DLC1: variants seen among roughly 807,000 people sequenced by gnomAD.
The protein encoded by DLC1 is DLC1 Rho GTPase activating protein.
In DLC1, 54 loss-of-function variants were observed where a neutral mutation model predicts 140.3. That is an observed-to-expected ratio of 0.38 (90% CI 0.31 to 0.48). The LOEUF is 0.48. Among genes scored for constraint, DLC1 ranks in the 20% least tolerant of loss-of-function variants. The probability of loss-of-function intolerance (pLI) is 0.96; values close to 1 mark genes in which losing one functional copy is unlikely to be tolerated. For missense variants in DLC1, 2,536 were observed against 1,907.0 expected (o/e 1.33, Z -6.14); for synonymous variants, 986 against 728.1 (o/e 1.35, Z -5.70).
At chr8:13,373,948 T>A (rs1453641216) in intron 4 of DLC1, among the ~76,000 whole-genome samples, 1 of 152,210 alleles carries the variant, frequency 6.6e-6, no homozygotes, top group Non-Finnish European at 1.5e-5. Flanking sequence ...TATGGAAAAT[T>A]TGGCATAATT....
At chr8:13,317,203 A>G (rs933234913) in intron 4 of DLC1, among the ~76,000 whole-genome samples, 1 of 152,194 alleles carries the variant, frequency 6.6e-6, no homozygotes, top group African/African-American at 2.4e-5. Flanking sequence ...AAGTATAAGG[A>G]AGGTTAAGTA....
intron 5 of DLC1, among the ~76,000 whole-genome samples, chr8:13,234,646 T>A (rs570327867): frequency 2.7e-4 from 41 of 152,238 alleles, no homozygotes; most frequent in African/African-American, 8.7e-4. Context: ...GTTCTTTTTT[T>A]AAACATCTTG....
intron 1 of DLC1, among the ~76,000 whole-genome samples, chr8:13,587,103 C>G (rs1805348210): frequency 6.7e-6 from 1 of 149,180 alleles, no homozygotes. Context: ...CACACACACA[C>G]ACATTCATGC....
chr8:13,158,178 C>T (rs1199429439), intron 5 of DLC1, among the ~76,000 whole-genome samples: 1 of 152,154 alleles, frequency 6.6e-6, no homozygotes, highest in Non-Finnish European at 1.5e-5. Context: ...CATAGTGTAT[C>T]TCTGGGGTCC....
intron 1 of DLC1, among the ~76,000 whole-genome samples, chr8:13,599,929 T>G (rs1805816076): frequency 6.6e-6 from 1 of 151,996 alleles, no homozygotes; most frequent in African/African-American, 2.4e-5. Flanking sequence ...GTATGAGGTA[T>G]GGACCTATTG....
At chr8:13,308,169 G>T (rs573379957) in intron 4 of DLC1, among the ~76,000 whole-genome samples, 1 of 152,250 alleles carries the variant, frequency 6.6e-6, no homozygotes, top group East Asian at 1.9e-4. Context: ...ATGATAATCA[G>T]TGAGTTGGGG....
chr8:13,368,123 TG>T (rs1835575158), intron 4 of DLC1, among the ~76,000 whole-genome samples: 1 of 152,090 alleles, frequency 6.6e-6, no homozygotes. Flanking sequence ...ATATGTAAAG[TG>T]GAAAAGAAAG....
chr8:13,143,850 G>GAGAGAGAGAGAGACAT (rs1395072506), intron 5 of DLC1, among the ~76,000 whole-genome samples: 14 of 147,852 alleles, frequency 9.5e-5, no homozygotes, highest in Admixed American at 2.7e-4. Context: ...GAGAGAGAGA[G>GAGAGAGAGAGAGACAT]AGACATAGAC....
chr8:13,451,617 T>C (rs776249794), intron 2 of DLC1, among the ~76,000 whole-genome samples: 1 of 152,200 alleles, frequency 6.6e-6, no homozygotes, highest in African/African-American at 2.4e-5. Context: ...GAACATGTAA[T>C]GCTTGTCTTT....
intron 5 of DLC1, among the ~76,000 whole-genome samples, chr8:13,261,203 T>G (rs780347075): frequency 1.3e-5 from 2 of 151,920 alleles, no homozygotes; most frequent in Non-Finnish European, 2.9e-5. Flanking sequence ...TTTAATAGAG[T>G]GGTCCTGACT....
chr8:13,139,608 G>T (rs1334083935), intron 5 of DLC1, among the ~76,000 whole-genome samples: 2 of 152,192 alleles, frequency 1.3e-5, no homozygotes, highest in African/African-American at 4.8e-5. Context: ...CAACCAGCAT[G>T]CTTTCCTGAG....
intron 5 of DLC1, among the ~76,000 whole-genome samples, chr8:13,157,659 G>GT (rs1824351748): frequency 6.6e-6 from 1 of 152,176 alleles, no homozygotes; most frequent in Non-Finnish European, 1.5e-5. Context: ...AAAAAGGGAT[G>GT]TCTTCAAAAA....
chr8:13,285,340 C>T (rs776400316), intron 5 of DLC1, among the ~76,000 whole-genome samples: 1 of 151,878 alleles, frequency 6.6e-6, no homozygotes, highest in African/African-American at 2.4e-5. Flanking sequence ...AGTTGGATAA[C>T]CATATGGAAA....
chr8:13,555,926 G>T (rs1042721599), intron 1 of DLC1, among the ~76,000 whole-genome samples: 8 of 152,026 alleles, frequency 5.3e-5, no homozygotes, highest in African/African-American at 1.9e-4. Flanking sequence ...ATGTTTAAAG[G>T]TTTTGTAATA....
At chr8:13,225,840 C>A (rs1387790032) in intron 5 of DLC1, among the ~76,000 whole-genome samples, 1 of 152,062 alleles carries the variant, frequency 6.6e-6, no homozygotes, top group East Asian at 1.9e-4. Context: ...TGGTTTGGAT[C>A]TCCTGACCTC....
intron 1 of DLC1, among the ~76,000 whole-genome samples, chr8:13,559,574 T>A (rs1335280777): frequency 1.3e-5 from 2 of 152,200 alleles, no homozygotes; most frequent in African/African-American, 4.8e-5. Flanking sequence ...GTAATTATAA[T>A]AATATTCATT....
chr8:13,254,355 A>G (rs1830128549), intron 5 of DLC1, among the ~76,000 whole-genome samples: 1 of 152,132 alleles, frequency 6.6e-6, no homozygotes. Context: ...TCCCAGTTGT[A>G]GCCTGCAAGG....
chr8:13,485,725 T>A (rs1563388606), intron 2 of DLC1, among the ~76,000 whole-genome samples: 1 of 152,246 alleles, frequency 6.6e-6, no homozygotes, highest in Non-Finnish European at 1.5e-5. Context: ...TAACAGAAGA[T>A]ACATTCTCTC....
intron 1 of DLC1, among the ~76,000 whole-genome samples, chr8:13,533,327 A>T (rs1197367523): frequency 6.6e-6 from 1 of 152,174 alleles, no homozygotes. Flanking sequence ...GGAAAGACAA[A>T]ATATATTTGA....
Sources: gnomAD v4.1 joint callset for allele counts (sites outside exome capture counted in the v4.1 genomes callset) on GRCh38, gnomAD v4.1.1 for gene constraint, MANE v1.5 for transcripts, NCBI Gene and HGNC (gene_info 2026-07-23, HGNC 2026-07-21) for gene names.